The following ESRRG variants were observed in gnomAD, a reference collection of about 807,000 sequenced individuals.
ESRRG encodes estrogen-related receptor gamma.
A neutral mutation model predicts 44.0 loss-of-function variants in ESRRG; 13 were observed. That is an observed-to-expected ratio of 0.30 (90% CI 0.19 to 0.47). ESRRG has a LOEUF of 0.47. ESRRG is among the 20% of genes least tolerant of loss of function. ESRRG has a pLI of 1.00. For synonymous variants in ESRRG, 215 were observed against 214.6 expected, an observed-to-expected ratio of 1.00 and a Z score of -0.02; for missense variants, 395 against 580.6, an observed-to-expected ratio of 0.68 and a Z score of 3.29.
intron 3 of ESRRG, among the ~76,000 whole-genome samples, chr1:216,649,848 C>T (rs991286736): frequency 5.9e-5 from 9 of 152,064 alleles, no homozygotes; most frequent in African/African-American, 1.7e-4. Context: ...AAGAACAAAC[C>T]AGGAAAAATT....
At chr1:216,580,408 A>T (rs958242461) in intron 3 of ESRRG, among the ~76,000 whole-genome samples, 2 of 152,198 alleles carry the variant, frequency 1.3e-5, no homozygotes, top group Admixed American at 6.5e-5. Context: ...AAAAAAAAGG[A>T]GTTGGCTGAA....
chr1:217,099,985 G>GA (rs5780965), intron 1 of ESRRG, among the ~76,000 whole-genome samples: 6,303 of 136,716 alleles, frequency 0.046, 152 homozygotes, highest in Non-Finnish European at 0.062. Context: ...TTTTTATCCA[G>GA]AAAAAAAAAA....
chr1:216,545,636 T>G (rs888273097), intron 5 of ESRRG, among the ~76,000 whole-genome samples: 1 of 152,106 alleles, frequency 6.6e-6, no homozygotes, highest in African/African-American at 2.4e-5. Context: ...AATTGTTTGA[T>G]GAATACACAC....
chr1:216,880,758 G>A (rs1220955163), intron 2 of ESRRG, among the ~76,000 whole-genome samples: 2 of 151,932 alleles, frequency 1.3e-5, no homozygotes, highest in East Asian at 3.9e-4. Context: ...AGTATATTAA[G>A]GAATATGAGG....
chr1:216,751,917 A>G (rs2092050518), intron 2 of ESRRG, among the ~76,000 whole-genome samples: 1 of 152,260 alleles, frequency 6.6e-6, no homozygotes, highest in South Asian at 2.1e-4. Context: ...TTAGAAGGCT[A>G]CTTCATAAAT....
chr1:216,768,480 A>ATCTATCTATCTGTCTGTCTG (rs143754795), intron 2 of ESRRG, among the ~76,000 whole-genome samples: 13 of 150,282 alleles, frequency 8.7e-5, no homozygotes, highest in African/African-American at 3.2e-4. Context: ...CTATCTATCT[A>ATCTATCTATCTGTCTGTCTG]TCTATCTATC....
chr1:216,757,065 C>A (rs11572644), intron 2 of ESRRG, among the ~76,000 whole-genome samples: 3,380 of 152,104 alleles, frequency 0.022, 57 homozygotes, highest in Non-Finnish European at 0.031. Context: ...ACTCCTATCT[C>A]AGGTTGTCAT....
chr1:216,808,597 T>C (rs558140775), intron 2 of ESRRG, among the ~76,000 whole-genome samples: 29 of 152,102 alleles, frequency 1.9e-4, no homozygotes, highest in Middle Eastern at 3.4e-3. Context: ...GGCTAATTTT[T>C]GTATTTTTTG....
At chr1:216,901,551 T>G (rs61818568) in intron 2 of ESRRG, among the ~76,000 whole-genome samples, 4 of 152,026 alleles carry the variant, frequency 2.6e-5, no homozygotes, top group Non-Finnish European at 4.4e-5. Flanking sequence ...AAAGTTTTTC[T>G]GTAGGAACAA....
At chr1:217,118,836 A>C (rs986761889) in intron 1 of ESRRG, among the ~76,000 whole-genome samples, 1 of 152,052 alleles carries the variant, frequency 6.6e-6, no homozygotes, top group African/African-American at 2.4e-5. Flanking sequence ...TAGAAAAAAA[A>C]ATAAAAAAGT....
chr1:217,064,141 T>C lies in ESRRG; in HGVS notation c.-106+25366A>G, dbSNP rs188137148. 2.9e-3 allele frequency among the ~76,000 whole-genome samples: 447 copies of C among 152,048 alleles called. 2 individuals are homozygous for C. The highest frequency in any genetic ancestry group is 0.01 in the African/African-American group (428 of 41,442). On this transcript the variant is annotated intron_variant, in intron 1 of 7. Transcript: ENST00000359162. ...TTTTCATTAATCTTCACAACATACATATATATGTTGCATGTATATATACAC... is the reference window on the plus strand; with the variant it reads ...TTTTCATTAATCTTCACAACATACACATATATGTTGCATGTATATATACAC...
At chr1:216,724,142 T>C (rs921558260), upstream of ESRRG, among the ~76,000 whole-genome samples, 13 of 152,174 alleles carry the variant, frequency 8.5e-5, no homozygotes, top group Admixed American at 7.9e-4. Context: ...ATAGTGACAA[T>C]ACAATTTGAA....
intron 2 of ESRRG, among the ~76,000 whole-genome samples, chr1:216,872,151 G>A (rs1031622196): frequency 6.6e-6 from 1 of 152,054 alleles, no homozygotes; most frequent in Non-Finnish European, 1.5e-5. Context: ...TATGGTTTCT[G>A]ATGAGAAATC....
At chr1:217,035,265 C>T (rs759072700) in intron 1 of ESRRG, among the ~76,000 whole-genome samples, 4 of 140,064 alleles carry the variant, frequency 2.9e-5, no homozygotes, top group Admixed American at 7.9e-5. Context: ...GTAGGAGGCT[C>T]ACTTGAGGCC....
Position 216,815,367 on chromosome 1 carries a change from A to G in ESRRG, c.-14+124215T>C, listed in dbSNP as rs557708321. On this transcript the variant is annotated intron_variant, in intron 2 of 7. Transcript: ENST00000359162. ...ACTGAGGTACAGAGACATTAAGTAAATGGCCACACAGCTGGGAGCCAACTG... is the reference window on the plus strand; with the variant it reads ...ACTGAGGTACAGAGACATTAAGTAAGTGGCCACACAGCTGGGAGCCAACTG... Among the ~76,000 whole-genome samples the G allele has an allele frequency of 2.0e-5, 3 of 152,332 alleles. No individual in the cohort carries two copies. In the East Asian group the frequency reaches 5.8e-4, roughly 29 times the overall value.
chr1:216,507,859 C>A (rs1256603358), intron 6 of ESRRG, among the ~76,000 whole-genome samples: 1 of 152,052 alleles, frequency 6.6e-6, no homozygotes, highest in East Asian at 1.9e-4. Flanking sequence ...GTGAACTTTG[C>A]CCTTAAATGA....
chr1:217,059,614 C>T (rs952191221), intron 1 of ESRRG, among the ~76,000 whole-genome samples: 2 of 152,054 alleles, frequency 1.3e-5, no homozygotes, highest in African/African-American at 4.8e-5. Flanking sequence ...TGCTGGCTAA[C>T]GTGGAACTGT....
At chr1:216,830,518 A>T (rs1401044275) in intron 2 of ESRRG, among the ~76,000 whole-genome samples, 3 of 152,084 alleles carry the variant, frequency 2.0e-5, no homozygotes, top group Non-Finnish European at 2.9e-5. Flanking sequence ...GCTTATGAGG[A>T]GTTATGAGGT....
At chr1:217,032,697 G>A (rs2082252025) in intron 1 of ESRRG, among the ~76,000 whole-genome samples, 1 of 152,110 alleles carries the variant, frequency 6.6e-6, no homozygotes, top group Non-Finnish European at 1.5e-5. Flanking sequence ...GAAAACTGTG[G>A]ATGAAATGAT....
Sources: gnomAD v4.1 joint callset for allele counts (sites outside exome capture counted in the v4.1 genomes callset) on GRCh38, gnomAD v4.1.1 for gene constraint, MANE v1.5 for transcripts, NCBI Gene and HGNC (gene_info 2026-07-23, HGNC 2026-07-21) for gene names.